The following PXDNL variants were observed in gnomAD, a reference collection of about 807,000 sequenced individuals.
PXDNL encodes the protein peroxidasin like.
In PXDNL, 145 loss-of-function variants were observed where a neutral mutation model predicts 150.8. The observed-to-expected ratio is 0.96, with a 90% CI of 0.84 to 1.10. The LOEUF (loss-of-function observed/expected upper bound fraction) is 1.10, where lower values mean the gene tolerates loss of function less well. Among genes scored for constraint, PXDNL ranks in the 50% least tolerant of loss-of-function variants. PXDNL has a pLI of 0.00. For missense variants in PXDNL, 2,087 were observed against 1,873.9 expected (o/e 1.11, Z -2.10); for synonymous variants, 757 against 725.7 (o/e 1.04, Z -0.69).
At chr8:51,672,623 TAAATATAAAAG>T (rs1322392705) in intron 1 of PXDNL, among the ~76,000 whole-genome samples, 1 of 152,224 alleles carries the variant, frequency 6.6e-6, no homozygotes, top group African/African-American at 2.4e-5. Flanking sequence ...TGGCACATTT[TAAATATAAAAG>T]AAATATAAAA....
At chr8:51,519,100 T>G (rs1255292140) in intron 4 of PXDNL, among the ~76,000 whole-genome samples, 1 of 152,156 alleles carries the variant, frequency 6.6e-6, no homozygotes, top group Non-Finnish European at 1.5e-5. Flanking sequence ...TTTTGAGAAT[T>G]TGAGAAGAAA....
chr8:51,332,762 G>A (rs538361017), intron 21 of PXDNL, among the ~76,000 whole-genome samples: 84 of 152,230 alleles, frequency 5.5e-4, no homozygotes, highest in African/African-American at 1.9e-3. Flanking sequence ...CAAGGTCTTT[G>A]AACTAACCCA....
rs1472606167 is a variant in PXDNL at position 51,809,426 on chromosome 8, G to A, written c.-82C>T. 2.2e-6 allele frequency: 3 copies of A among 1,376,024 alleles called. No homozygotes were observed. Among genetic ancestry groups the A allele is most frequent in the African/African-American group, 1.5e-5 (1 of 67,988 alleles). 85.2% of individuals were successfully genotyped at this position (1,376,024 alleles called of 1,614,324 possible). A position where few individuals can be genotyped will look rare whatever the true frequency, so the allele number is the denominator to read the frequency against. Reference sequence around the variant, plus strand: ...AGCTGCAGCAGCAACCGCAGTGGTGGTGATGGTGGCTGCTGGACTGAGCCA... The same window carrying A: ...AGCTGCAGCAGCAACCGCAGTGGTGATGATGGTGGCTGCTGGACTGAGCCA... On this transcript the variant is annotated 5_prime_UTR_variant, in exon 1 of 23. Transcript: ENST00000356297.
intron 1 of PXDNL, among the ~76,000 whole-genome samples, chr8:51,751,053 T>C (rs1321619457): frequency 7.0e-6 from 1 of 142,898 alleles, no homozygotes; most frequent in Non-Finnish European, 1.5e-5. Context: ...AAAGTTTTAA[T>C]TTTTATAGAG....
Position 51,409,258 on chromosome 8 carries a change from C to G in PXDNL, c.2366G>C (p.Arg789Pro). The change falls in exon 17 of 23, where the codon CGC becomes CCC. Residue 789 changes from arginine (R) to proline (P), a missense_variant. Coordinates refer to ENST00000356297, the MANE Select transcript of PXDNL (RefSeq NM_144651.5). ...PPRLVATVWARAAAVTPDHSY... is the reference protein window; with the variant it reads ...PPRLVATVWAPAAAVTPDHSY... ...GTGGTCGGGGGTGACGGCCGCCGCG[C>G]GCGCCCACACTGTGGCGACCAGCCG... 2 of 1,481,144 alleles carry G rather than the reference C, an allele frequency of 1.4e-6. No individual in the cohort carries two copies. The highest frequency in any genetic ancestry group is 1.3e-5 in the South Asian group (1 of 75,476). 91.8% of individuals were successfully genotyped at this position (1,481,144 alleles called of 1,614,324 possible). A position where few individuals can be genotyped will look rare whatever the true frequency, so the allele number is the denominator to read the frequency against.
At chr8:51,713,346 A>C (rs1171162926) in intron 1 of PXDNL, among the ~76,000 whole-genome samples, 2 of 152,246 alleles carry the variant, frequency 1.3e-5, no homozygotes, top group Non-Finnish European at 2.9e-5. Context: ...AGGAACTTTA[A>C]ATTCCTAGGC....
intron 1 of PXDNL, among the ~76,000 whole-genome samples, chr8:51,794,022 C>T (rs552273208): frequency 4.6e-5 from 7 of 151,922 alleles, no homozygotes; most frequent in African/African-American, 1.7e-4. Flanking sequence ...CACAATGCAA[C>T]CACAAGTATC....
At chr8:51,587,031 T>C (rs1308300009) in intron 3 of PXDNL, among the ~76,000 whole-genome samples, 3 of 152,196 alleles carry the variant, frequency 2.0e-5, no homozygotes, top group African/African-American at 4.8e-5. Flanking sequence ...ACTTGTGAAA[T>C]TATCAGTGCC....
intron 1 of PXDNL, among the ~76,000 whole-genome samples, chr8:51,734,011 A>G (rs542805771): frequency 6.6e-6 from 1 of 151,954 alleles, no homozygotes; most frequent in Admixed American, 6.6e-5. Flanking sequence ...GGTTAACTCT[A>G]GACATCATTG....
intron 20 of PXDNL, among the ~76,000 whole-genome samples, chr8:51,343,090 G>A (rs1442210274): frequency 6.6e-6 from 1 of 151,966 alleles, no homozygotes; most frequent in Non-Finnish European, 1.5e-5. Context: ...CTATATTTTG[G>A]ATTCTTACCA....
chr8:51,443,192 T>A (rs1809594253), intron 12 of PXDNL, among the ~76,000 whole-genome samples: 1 of 152,202 alleles, frequency 6.6e-6, no homozygotes, highest in South Asian at 2.1e-4. Flanking sequence ...CTAATTTTAT[T>A]CATTGCTTAC....
intron 2 of PXDNL, among the ~76,000 whole-genome samples, chr8:51,647,601 T>TA (rs1351909227): frequency 6.6e-6 from 1 of 152,142 alleles, no homozygotes; most frequent in African/African-American, 2.4e-5. Flanking sequence ...GATGGTAGTA[T>TA]ATGAGGGGCA....
intron 4 of PXDNL, among the ~76,000 whole-genome samples, chr8:51,520,395 G>C (rs1811635881): frequency 6.6e-6 from 1 of 152,142 alleles, no homozygotes; most frequent in South Asian, 2.1e-4. Flanking sequence ...GGAAGGGACT[G>C]GGGCAGGGAA....
chr8:51,356,197 A>G (rs780446935), intron 19 of PXDNL, among the ~76,000 whole-genome samples: 33 of 152,174 alleles, frequency 2.2e-4, no homozygotes, highest in Non-Finnish European at 4.4e-4. Context: ...AGCTTCAAAA[A>G]TCTATAACTG....
In PXDNL at chr8:51,449,038, C is replaced by G; in HGVS notation, c.1330G>C (p.Gly444Arg). ...CAGACAATAACAGGAGGTGGGTTGC[C>G]GTCAGCTTCACAGAGCCACTCTACA... ...HAVEWLCEAD[G>R]NPPPVIVWTK... Residue 444 changes from glycine (G) to arginine (R), a missense_variant, in exon 11 of 23, where the codon GGC becomes CGC. Physicochemically the swap from Gly to Arg is moderately radical, Grantham distance 125 (BLOSUM62 -2). Transcript: ENST00000356297. The G allele has an allele frequency of 3.2e-6, 5 of 1,551,836 alleles. No individual in the cohort carries two copies. The highest frequency in any genetic ancestry group is 4.4e-6 in the Non-Finnish European group (5 of 1,146,798).
intron 1 of PXDNL, among the ~76,000 whole-genome samples, chr8:51,661,064 T>G (rs1315760633): frequency 6.6e-6 from 1 of 152,224 alleles, no homozygotes. Flanking sequence ...CTCTCCCTGT[T>G]GCTCTAAAAC....
At chr8:51,393,236 A>G (rs186103341) in intron 17 of PXDNL, among the ~76,000 whole-genome samples, 2 of 152,358 alleles carry the variant, frequency 1.3e-5, no homozygotes, top group East Asian at 3.9e-4. Context: ...ATTCACTTAC[A>G]CATGGCACTC....
chr8:51,794,629 C>T (rs2037543251), intron 1 of PXDNL, among the ~76,000 whole-genome samples: 1 of 152,146 alleles, frequency 6.6e-6, no homozygotes, highest in Admixed American at 6.5e-5. Flanking sequence ...TCATCACCAC[C>T]AGGCCTGCCT....
At chr8:51,555,927 T>C (rs896734063) in intron 4 of PXDNL, among the ~76,000 whole-genome samples, 2 of 152,134 alleles carry the variant, frequency 1.3e-5, no homozygotes, top group South Asian at 2.1e-4. Context: ...TTTCATAAAG[T>C]ATCAAATGCT....
Sources: gnomAD v4.1 joint callset for allele counts (sites outside exome capture counted in the v4.1 genomes callset) on GRCh38, gnomAD v4.1.1 for gene constraint, MANE v1.5 for transcripts, NCBI Gene and HGNC (gene_info 2026-07-23, HGNC 2026-07-21) for gene names.